The following DRAXIN variants were observed in gnomAD, a reference collection of about 807,000 sequenced individuals.
DRAXIN encodes the protein dorsal repulsive axon guidance protein.
In DRAXIN, 27 loss-of-function variants were observed where a neutral mutation model predicts 33.9. That is an observed-to-expected ratio of 0.80 (90% CI 0.59 to 1.10). The LOEUF is 1.10. Among genes scored for constraint, DRAXIN ranks in the 50% least tolerant of loss-of-function variants. The probability of loss-of-function intolerance (pLI) is 0.00; values close to 1 mark genes in which losing one functional copy is unlikely to be tolerated. For missense variants in DRAXIN, 371 were observed against 460.8 expected, an observed-to-expected ratio of 0.81 and a Z score of 1.78; for synonymous variants, 178 against 194.0, an observed-to-expected ratio of 0.92 and a Z score of 0.69.
intron 1 of DRAXIN, among the ~76,000 whole-genome samples, chr1:11,693,281 C>T (rs544884316): frequency 9.9e-5 from 15 of 152,164 alleles, no homozygotes; most frequent in African/African-American, 3.4e-4. Context: ...AGAAGGCGTC[C>T]GGTGACTCAC....
chr1:11,710,925 A>AAAAAAAAAG (rs976481910), intron 3 of DRAXIN, among the ~76,000 whole-genome samples: 1 of 151,176 alleles, frequency 6.6e-6, no homozygotes, highest in African/African-American at 2.4e-5. Context: ...CCATCTCAAA[A>AAAAAAAAAG]AAAAAAAAAA....
upstream of DRAXIN, among the ~76,000 whole-genome samples, chr1:11,686,895 G>A (rs574535238): frequency 6.6e-5 from 10 of 150,498 alleles, no homozygotes; most frequent in Non-Finnish European, 1.3e-4. Flanking sequence ...ACAATTCAGT[G>A]ATTTTTAGTA....
chr1:11,687,342 C>T (rs148938182), upstream of DRAXIN, among the ~76,000 whole-genome samples: 2,022 of 152,314 alleles, frequency 0.013, 16 homozygotes, highest in Middle Eastern at 0.041. This position sits in a 1 kb window ranked among gnomAD's most constrained non-coding sequence, Gnocchi z 4.1. Context: ...CCGATTCAAG[C>T]GATTCTCCTG....
chr1:11,700,723 T>G (rs913225988), intron 1 of DRAXIN, among the ~76,000 whole-genome samples: 1 of 152,188 alleles, frequency 6.6e-6, no homozygotes, highest in African/African-American at 2.4e-5. Context: ...CGTGGGGGGT[T>G]GCCTGCTTCA....
chr1:11,705,437 T>G lies in DRAXIN; in HGVS notation c.-10-812T>G, dbSNP rs1387667651. On this transcript the variant is annotated intron_variant, in intron 1 of 6. Coordinates refer to ENST00000294485, the MANE Select transcript of DRAXIN (RefSeq NM_198545.4). The surrounding 1 kb of genome is among the most constrained non-coding windows in gnomAD (Gnocchi z 4.8). The stretch of plus-strand genomic sequence containing the variant: ...TAGGTCGGGTTGGCTCAGTCTACCC[T>G]GCAGGGGTCAGAGCCAAGTCTGCAA... 6.6e-6 allele frequency among the ~76,000 whole-genome samples: 1 copy of G among 152,100 alleles called. No individual in the cohort carries two copies. Among genetic ancestry groups the G allele is most frequent in the African/African-American group, 2.4e-5 (1 of 41,412 alleles).
At chr1:11,717,762 A>G (rs1453753705) in intron 6 of DRAXIN, among the ~76,000 whole-genome samples, 2 of 147,812 alleles carry the variant, frequency 1.4e-5, no homozygotes, top group East Asian at 4.0e-4. Context: ...AGGCAGGTGG[A>G]TCCTTGAGCC....
At position 11,705,013 on chromosome 1, in the gene DRAXIN, G is replaced by A. The variant is rs1443454933; in HGVS notation, c.-10-1236G>A. On this transcript the variant is annotated intron_variant, in intron 1 of 6. Coordinates refer to ENST00000294485, the MANE Select transcript of DRAXIN (RefSeq NM_198545.4). The surrounding 1 kb of genome is among the most constrained non-coding windows in gnomAD (Gnocchi z 4.8). ...CCCTACCACCCTCCCTCGGGGTCGG[G>A]GCTAAGGTGACACTGGGGTGGGCCA... Among the ~76,000 whole-genome samples, 3 of 152,204 alleles carry A rather than the reference G, an allele frequency of 2.0e-5. No individual in the cohort carries two copies. The highest frequency in any genetic ancestry group is 4.4e-5 in the Non-Finnish European group (3 of 68,036).
intron 3 of DRAXIN, among the ~76,000 whole-genome samples, chr1:11,710,264 C>T (rs911049524): frequency 6.6e-6 from 1 of 151,470 alleles, no homozygotes; most frequent in African/African-American, 2.4e-5. Flanking sequence ...GGCCAAGGCA[C>T]GAGGGTCACT....
rs1205339005 is a variant in DRAXIN, at chr1:11,709,425, A to G, written c.602A>G (p.Glu201Gly). ...ACCTTTGAGGCAGCACCTGCCACAG[A>G]AGAGTCCCTGATCCTGCCCGTCACC... ...LTTFEAAPAT[E>G]ESLILPVTSL... Residue 201 changes from glutamate to glycine, a missense_variant, in exon 3 of 7, where the codon GAA (glutamate) becomes GGA (glycine). Physicochemically the swap from Glu to Gly is moderately conservative, Grantham distance 98. Transcript: ENST00000294485. 3 of 1,614,012 alleles carry G rather than the reference A, an allele frequency of 1.9e-6. No homozygotes were observed. The highest frequency in any genetic ancestry group is 2.2e-5 in the South Asian group (2 of 91,026).
intron 2 of DRAXIN, 99 bp from the exon 3 acceptor site, chr1:11,709,176 G>C: frequency 2.3e-6 from 3 of 1,280,178 alleles, no homozygotes; most frequent in African/African-American, 1.5e-5. Context: ...CACAGTGCCT[G>C]CTGCCTCCTA....
chr1:11,719,722 C>T lies in DRAXIN; in HGVS notation c.*26C>T, dbSNP rs371389323. On this transcript the variant is annotated 3_prime_UTR_variant, in exon 7 of 7. Coordinates refer to ENST00000294485, the MANE Select transcript of DRAXIN (RefSeq NM_198545.4). Reference sequence around the variant, plus strand: ...CGGCCCCGCGGGACTGGGGACTGAGCCCAGGAGGTTTGCACAAGCCGGGCG... The same window carrying T: ...CGGCCCCGCGGGACTGGGGACTGAGTCCAGGAGGTTTGCACAAGCCGGGCG... The T allele has an allele frequency of 6.3e-7, 1 of 1,596,948 alleles. No individual in the cohort carries two copies. The highest frequency in any genetic ancestry group is 8.6e-7 in the Non-Finnish European group (1 of 1,166,206).
intron 2 of DRAXIN, among the ~76,000 whole-genome samples, chr1:11,709,074 G>T (rs1468998195): frequency 6.6e-6 from 1 of 152,236 alleles, no homozygotes; most frequent in Non-Finnish European, 1.5e-5. Context: ...GACACTGCAA[G>T]TTCTTCCAAG....
At chr1:11,715,342 G>A in intron 6 of DRAXIN, 134 bp downstream of exon 6, 1 of 1,048,766 alleles carries the variant, frequency 9.5e-7, no homozygotes, top group Non-Finnish European at 1.4e-6. Context: ...CTGCGGCGGG[G>A]GTGTAGGTGG....
rs1185864330 is a variant in DRAXIN, at chr1:11,725,030, G to A, written c.*5334G>A. On this transcript the variant is annotated 3_prime_UTR_variant, in exon 7 of 7. Transcript: ENST00000294485. ...GGATCCATGGCTGGGTCACTTCTGG[G>A]TGCAAGAGGCTTTCTAGACCTTAGA... 1 of 152,236 alleles carries A rather than the reference G, an allele frequency of 6.6e-6. No individual in the cohort carries two copies. Among genetic ancestry groups the A allele is most frequent in the Admixed American group, 6.5e-5 (1 of 15,268 alleles). 9.4% of individuals were successfully genotyped at this position (152,236 alleles called of 1,614,324 possible). A position where few individuals can be genotyped will look rare whatever the true frequency, so the allele number is the denominator to read the frequency against.
chr1:11,697,618 G>T (rs1427937954), intron 1 of DRAXIN, among the ~76,000 whole-genome samples: 1 of 152,150 alleles, frequency 6.6e-6, no homozygotes, highest in Non-Finnish European at 1.5e-5. Flanking sequence ...TGGTTTCCAG[G>T]AGCAGAAGCC....
chr1:11,693,081 A>G (rs1279410170), intron 1 of DRAXIN, among the ~76,000 whole-genome samples: 1 of 151,870 alleles, frequency 6.6e-6, no homozygotes, highest in Non-Finnish European at 1.5e-5. Flanking sequence ...CCCCCATCAC[A>G]CTTCCTGTCA....
At chr1:11,715,443 T>C (rs1160605408) in intron 6 of DRAXIN, among the ~76,000 whole-genome samples, 1 of 152,248 alleles carries the variant, frequency 6.6e-6, no homozygotes, top group Non-Finnish European at 1.5e-5. Flanking sequence ...ATTCTTGGCA[T>C]CATTTCTGAG....
At chr1:11,707,875 G>T (rs1641415006) in intron 2 of DRAXIN, among the ~76,000 whole-genome samples, 1 of 152,200 alleles carries the variant, frequency 6.6e-6, no homozygotes, top group Non-Finnish European at 1.5e-5. Context: ...CCCTAAGCCA[G>T]GGAACTTGGC....
At chr1:11,714,364 G>A (rs1234357868) in intron 5 of DRAXIN, among the ~76,000 whole-genome samples, 4 of 152,242 alleles carry the variant, frequency 2.6e-5, no homozygotes, top group Non-Finnish European at 5.9e-5. Context: ...GACGAGGCCC[G>A]TGCTGAGCAG....
Sources: allele counts gnomAD v4.1 joint callset (sites outside exome capture counted in the v4.1 genomes callset), GRCh38; gene constraint gnomAD v4.1.1; non-coding constraint Gnocchi (gnomAD v3.1); transcripts MANE v1.5; gene names NCBI Gene and HGNC (gene_info 2026-07-23, HGNC 2026-07-21).